LMOD1: variants seen among roughly 807,000 people sequenced by gnomAD.
The protein encoded by LMOD1 is leiomodin-1.
Under a neutral mutation model 36.5 loss-of-function variants are expected in LMOD1, and 8 were observed. The ratio of observed to expected loss-of-function variants is 0.22; its 90% CI spans 0.13 to 0.40. LMOD1 has a LOEUF of 0.40. LMOD1 is among the 10% of genes least tolerant of loss of function. LMOD1 has a pLI of 1.00. For synonymous variants in LMOD1, 284 were observed against 288.7 expected (o/e 0.98, Z 0.17); for missense variants, 630 against 751.1 (o/e 0.84, Z 1.88).
At chr1:201,938,425 G>T (rs535022584) in intron 1 of LMOD1, among the ~76,000 whole-genome samples, 1 of 152,108 alleles carries the variant, frequency 6.6e-6, no homozygotes, top group Non-Finnish European at 1.5e-5. Flanking sequence ...CACCGCGCCC[G>T]GCCGTAATTT....
intron 1 of LMOD1, among the ~76,000 whole-genome samples, chr1:201,942,550 C>T (rs1159300072): frequency 6.6e-6 from 1 of 152,146 alleles, no homozygotes; most frequent in Non-Finnish European, 1.5e-5. Context: ...GCCAAGGGCC[C>T]TCTGGCAGCC....
At chr1:201,924,059 G>A (rs1407330257) in intron 1 of LMOD1, among the ~76,000 whole-genome samples, 1 of 151,904 alleles carries the variant, frequency 6.6e-6, no homozygotes, top group Non-Finnish European at 1.5e-5. Context: ...GCTCACGCCT[G>A]TAATCCCAGC....
chr1:201,899,854 T>G lies in LMOD1; in HGVS notation c.1159A>C (p.Lys387Gln). The change falls in exon 2 of 3, where the codon AAG (lysine) becomes CAG (glutamine). Residue 387 changes from lysine (K) to glutamine (Q), a missense_variant. Coordinates refer to ENST00000367288, the MANE Select transcript of LMOD1 (RefSeq NM_012134.3). This position sits in a 1 kb window ranked among gnomAD's most constrained non-coding sequence, Gnocchi z 6.3. Reference protein sequence around the residue: ...FAIAIMLKANKTITSLNLDSN... With the variant: ...FAIAIMLKANQTITSLNLDSN... Reference sequence around the variant, plus strand: ...TCCAGGTTGAGGCTGGTGATGGTCTTGTTGGCCTTGAGCATGATGGCAATG... The same window carrying G: ...TCCAGGTTGAGGCTGGTGATGGTCTGGTTGGCCTTGAGCATGATGGCAATG... 6.2e-7 allele frequency: 1 copy of G among 1,614,030 alleles called. No individual in the cohort carries two copies. The highest frequency in any genetic ancestry group is 8.5e-7 in the Non-Finnish European group (1 of 1,179,892).
chr1:201,903,862 G>A (rs776520076), intron 1 of LMOD1, among the ~76,000 whole-genome samples: 3 of 152,130 alleles, frequency 2.0e-5, no homozygotes, highest in Non-Finnish European at 4.4e-5. Context: ...GAGTTCCCAC[G>A]CCACTTGTAG....
chr1:201,898,268 C>T lies in LMOD1; in HGVS notation c.*104G>A, dbSNP rs755943744. The T allele has an allele frequency of 4.0e-5, 47 of 1,187,018 alleles. No homozygotes were observed. Among genetic ancestry groups the T allele is most frequent in the Non-Finnish European group, 5.7e-5 (46 of 811,592 alleles). 73.5% of individuals were successfully genotyped at this position (1,187,018 alleles called of 1,614,324 possible). On this transcript the variant is annotated 3_prime_UTR_variant, in exon 3 of 3. Transcript: ENST00000367288. ...CTCTCCCATGGCAGAATAGGGACATCCACAGCAGGTCAGCCAGGGATGGGG... is the reference window on the plus strand; with the variant it reads ...CTCTCCCATGGCAGAATAGGGACATTCACAGCAGGTCAGCCAGGGATGGGG...
At chr1:201,913,795 G>A (rs1428864786) in intron 1 of LMOD1, among the ~76,000 whole-genome samples, 1 of 152,062 alleles carries the variant, frequency 6.6e-6, no homozygotes, top group Non-Finnish European at 1.5e-5. Context: ...TGAATTCAGA[G>A]TTTCCTTCCT....
chr1:201,905,440 C>T (rs1458042866), intron 1 of LMOD1, among the ~76,000 whole-genome samples: 1 of 152,238 alleles, frequency 6.6e-6, no homozygotes, highest in Non-Finnish European at 1.5e-5. Flanking sequence ...TCTGATGCTG[C>T]TTTCTTTAGA....
chr1:201,932,391 G>A (rs565782389), intron 1 of LMOD1, among the ~76,000 whole-genome samples: 2 of 152,146 alleles, frequency 1.3e-5, no homozygotes, highest in African/African-American at 4.8e-5. Flanking sequence ...AGAGGGTCAG[G>A]AGGACAGGAG....
chr1:201,941,400 AG>A (rs1682112301), intron 1 of LMOD1, among the ~76,000 whole-genome samples: 5 of 152,342 alleles, frequency 3.3e-5, no homozygotes, highest in South Asian at 2.1e-4. Context: ...TTCAAATTTC[AG>A]GGCGAGATTT....
intron 1 of LMOD1, among the ~76,000 whole-genome samples, chr1:201,939,584 G>A (rs1214655701): frequency 6.6e-6 from 1 of 152,154 alleles, no homozygotes; most frequent in Non-Finnish European, 1.5e-5. Flanking sequence ...GGAGACCACT[G>A]CTCTTTTGCT....
At chr1:201,939,039 T>A (rs2819367) in intron 1 of LMOD1, among the ~76,000 whole-genome samples, 1 of 151,968 alleles carries the variant, frequency 6.6e-6, no homozygotes, top group East Asian at 1.9e-4. Flanking sequence ...GAAATCAGGC[T>A]GCTGGGGCCA....
chr1:201,898,514 G>A, intron 2 of LMOD1, 116 bp from the exon 3 acceptor site: 1 of 877,816 alleles, frequency 1.1e-6, no homozygotes, highest in Non-Finnish European at 1.7e-6. Flanking sequence ...ATGTGAATGA[G>A]GTGTTGACAC....
intron 1 of LMOD1, among the ~76,000 whole-genome samples, chr1:201,939,293 C>A (rs1449082366): frequency 6.6e-6 from 1 of 152,182 alleles, no homozygotes; most frequent in Non-Finnish European, 1.5e-5. Flanking sequence ...CACTATAACC[C>A]TTCAAGGATG....
In LMOD1 at chr1:201,900,433, T is replaced by G; in HGVS notation, c.580A>C (p.Ser194Arg). The G allele has an allele frequency of 6.3e-7, 1 of 1,589,776 alleles. No individual in the cohort carries two copies. Among genetic ancestry groups the G allele is most frequent in the African/African-American group, 1.3e-5 (1 of 74,198 alleles). The change falls in exon 2 of 3, where the codon AGT becomes CGT. Residue 194 changes from serine to arginine, a missense_variant. Around this residue, in one of 3 missense-constraint regions of LMOD1, gnomAD observed 405 missense variants for 400.6 expected, o/e 1.01. Coordinates refer to ENST00000367288, the MANE Select transcript of LMOD1 (RefSeq NM_012134.3). ...CTGCTCAAGCCTGTGTTCCTGTCAC[T>G]CCCTTTCTTCTCCTCTTCCTTCTTG... Reference protein sequence around the residue: ...ATKKEEEKKGSDRNTGLSRDK... With the variant: ...ATKKEEEKKGRDRNTGLSRDK...
At position 201,900,014 on chromosome 1, in the gene LMOD1, A is replaced by T. The variant is rs756222266; in HGVS notation, c.999T>A (p.Thr333=). ...AGTCTGAGTTGTTGACGTTCACCTCAGTCATCTCGGGGTCATTGTTCTTCA... is the reference window on the plus strand; with the variant it reads ...AGTCTGAGTTGTTGACGTTCACCTCTGTCATCTCGGGGTCATTGTTCTTCA... ...ERVKNNDPEM[T]EVNVNNSDCI... The change falls in exon 2 of 3, where the codon ACT becomes ACA. Residue 333 remains threonine (T), a synonymous_variant. Transcript: ENST00000367288. 1.9e-6 allele frequency: 3 copies of T among 1,613,408 alleles called. No homozygotes were observed. The highest frequency in any genetic ancestry group is 1.1e-5 in the South Asian group (1 of 91,034).
chr1:201,946,101 C>T lies in LMOD1; in HGVS notation c.240G>A (p.Met80Ile). The T allele has an allele frequency of 6.2e-7, 1 of 1,613,974 alleles. No homozygotes were observed. Among genetic ancestry groups the T allele is most frequent in the Non-Finnish European group, 8.5e-7 (1 of 1,179,882 alleles). Residue 80 changes from methionine to isoleucine, a missense_variant, in exon 1 of 3, where the codon ATG becomes ATA. This residue lies in a region of LMOD1 where 405 missense variants were observed against 400.6 expected (regional missense o/e 1.01). Coordinates refer to ENST00000367288, the MANE Select transcript of LMOD1 (RefSeq NM_012134.3). ...TCACATCCATGGACATCTCCCTCTG[C>T]ATAAGTTTCTTGGTCTCCTTTTCAC... ...NFCEKETKKLMQREMSMDESK... is the reference protein window; with the variant it reads ...NFCEKETKKLIQREMSMDESK...
At chr1:201,923,661 C>T (rs138563123) in intron 1 of LMOD1, among the ~76,000 whole-genome samples, 85 of 151,898 alleles carry the variant, frequency 5.6e-4, no homozygotes, top group East Asian at 4.9e-3. Flanking sequence ...TTCAGGAGTT[C>T]GAGACTAGCC....
intron 1 of LMOD1, among the ~76,000 whole-genome samples, chr1:201,901,476 T>G (rs2102908698): frequency 7.3e-6 from 1 of 137,692 alleles, no homozygotes; most frequent in East Asian, 2.0e-4. Context: ...CACTCCAGCC[T>G]AAGCAACAAG....
chr1:201,905,415 C>G (rs915963332), intron 1 of LMOD1, among the ~76,000 whole-genome samples: 1 of 152,228 alleles, frequency 6.6e-6, no homozygotes, highest in Non-Finnish European at 1.5e-5. Context: ...GCATTTTCTC[C>G]CTTACCTTGG....
Sources: allele counts gnomAD v4.1 joint callset (sites outside exome capture counted in the v4.1 genomes callset), GRCh38; gene constraint gnomAD v4.1.1; regional missense constraint gnomAD v4.1.1; non-coding constraint Gnocchi (gnomAD v3.1); transcripts MANE v1.5; gene names NCBI Gene and HGNC (gene_info 2026-07-23, HGNC 2026-07-21).